PDGFC: variants seen among roughly 807,000 people sequenced by gnomAD.
PDGFC encodes the protein platelet derived growth factor C.
In PDGFC, 12 loss-of-function variants were observed where a neutral mutation model predicts 35.5. The observed-to-expected ratio is 0.34, with a 90% CI of 0.22 to 0.55. PDGFC has a LOEUF of 0.55. PDGFC is among the 20% of genes least tolerant of loss of function. PDGFC has a pLI of 0.91. For missense variants in PDGFC, 322 were observed against 412.4 expected, an observed-to-expected ratio of 0.78 and a Z score of 1.90; for synonymous variants, 159 against 148.8, an observed-to-expected ratio of 1.07 and a Z score of -0.50.
At chr4:156,856,890 T>TA (rs1291915611) in intron 1 of PDGFC, among the ~76,000 whole-genome samples, 3 of 152,144 alleles carry the variant, frequency 2.0e-5, no homozygotes, top group Admixed American at 1.3e-4. Flanking sequence ...TGATAGGACT[T>TA]AGAGTATGCA....
chr4:156,871,821 A>G (rs567475821), intron 1 of PDGFC, among the ~76,000 whole-genome samples: 1 of 152,040 alleles, frequency 6.6e-6, no homozygotes, highest in Non-Finnish European at 1.5e-5. Flanking sequence ...TCTTGTAAAC[A>G]AACATTAGAA....
intron 2 of PDGFC, among the ~76,000 whole-genome samples, chr4:156,818,748 C>T (rs1398824716): frequency 3.9e-5 from 6 of 151,974 alleles, no homozygotes; most frequent in African/African-American, 7.3e-5. Flanking sequence ...GTGATCCGCC[C>T]GCCTGGGCCT....
chr4:156,964,504 A>T (rs924247163), intron 1 of PDGFC, among the ~76,000 whole-genome samples: 1 of 150,342 alleles, frequency 6.7e-6, no homozygotes, highest in African/African-American at 2.4e-5. Flanking sequence ...ATACCATTCC[A>T]TTTGACTAAT....
intron 1 of PDGFC, among the ~76,000 whole-genome samples, chr4:156,949,911 C>A (rs1367411294): frequency 6.6e-6 from 1 of 151,832 alleles, no homozygotes; most frequent in African/African-American, 2.4e-5. Flanking sequence ...GCTTTACCTT[C>A]AGGAAAACAA....
intron 1 of PDGFC, among the ~76,000 whole-genome samples, chr4:156,948,809 C>G (rs1732009221): frequency 6.6e-6 from 1 of 151,920 alleles, no homozygotes; most frequent in Non-Finnish European, 1.5e-5. Flanking sequence ...TATTTAAAAT[C>G]TTATTCTCAC....
At chr4:156,861,480 T>C (rs1482413738) in intron 1 of PDGFC, 2 of 1,253,572 alleles carry the variant, frequency 1.6e-6, no homozygotes, top group East Asian at 5.6e-5. Context: ...TGCTTGGATA[T>C]AGTTCCTACC....
At chr4:156,766,612 C>G (rs1473020974) in intron 5 of PDGFC, among the ~76,000 whole-genome samples, 2 of 152,098 alleles carry the variant, frequency 1.3e-5, no homozygotes, top group Non-Finnish European at 2.9e-5. Context: ...ACTCCATGAC[C>G]TTTACTTTTT....
intron 2 of PDGFC, among the ~76,000 whole-genome samples, chr4:156,823,007 TAC>T (rs1732313538): frequency 6.6e-6 from 1 of 152,070 alleles, no homozygotes; most frequent in Non-Finnish European, 1.5e-5. Flanking sequence ...GTGCTGAGGT[TAC>T]AGGCTTGAGC....
intron 2 of PDGFC, among the ~76,000 whole-genome samples, chr4:156,819,374 C>T (rs1362182187): frequency 6.6e-6 from 1 of 152,174 alleles, no homozygotes; most frequent in Non-Finnish European, 1.5e-5. Context: ...GACAGGCTGA[C>T]TCCCTTGTTA....
chr4:156,945,369 A>G (rs1436255430), intron 1 of PDGFC, among the ~76,000 whole-genome samples: 6 of 124,456 alleles, frequency 4.8e-5, no homozygotes, highest in Non-Finnish European at 1.0e-4. Flanking sequence ...ATATATATAT[A>G]TATATATATA....
chr4:156,810,394 A>G (rs549976292), intron 3 of PDGFC, among the ~76,000 whole-genome samples: 1 of 152,076 alleles, frequency 6.6e-6, no homozygotes, highest in African/African-American at 2.4e-5. Context: ...CATTTATAAC[A>G]TACTTCAGAG....
At chr4:156,913,757 T>C (rs1160278625) in intron 1 of PDGFC, among the ~76,000 whole-genome samples, 1 of 152,134 alleles carries the variant, frequency 6.6e-6, no homozygotes, top group Non-Finnish European at 1.5e-5. Context: ...CTACAGCAGA[T>C]TTAGGAATGG....
intron 3 of PDGFC, among the ~76,000 whole-genome samples, chr4:156,794,448 G>A (rs1731384432): frequency 6.6e-6 from 1 of 151,530 alleles, no homozygotes; most frequent in Non-Finnish European, 1.5e-5. Context: ...CACAAACCAA[G>A]AAGTAGCTTA....
chr4:156,890,083 TCATGAGGTTA>T (rs1730468079), intron 1 of PDGFC, among the ~76,000 whole-genome samples: 1 of 152,082 alleles, frequency 6.6e-6, no homozygotes, highest in Non-Finnish European at 1.5e-5. Flanking sequence ...CCTTGTTAGT[TCATGAGGTTA>T]CAGAAAGGGA....
At chr4:156,941,792 A>G (rs1731812910) in intron 1 of PDGFC, among the ~76,000 whole-genome samples, 1 of 152,154 alleles carries the variant, frequency 6.6e-6, no homozygotes, top group Non-Finnish European at 1.5e-5. Context: ...TTGAAGGAAT[A>G]CCAACAATTC....
In PDGFC at chr4:156,910,222, T is replaced by C. The variant is rs545430844; in HGVS notation, c.119-59806A>G. Among the ~76,000 whole-genome samples, 8 of 152,304 alleles carry C rather than the reference T, an allele frequency of 5.3e-5. No homozygotes were observed. The South Asian group carries it at 1.7e-3, about 32-fold the overall frequency. On this transcript the variant is annotated intron_variant, in intron 1 of 5. Coordinates refer to ENST00000502773, the MANE Select transcript of PDGFC (RefSeq NM_016205.3). The stretch of plus-strand genomic sequence containing the variant: ...TGTGGTTTTTAACTTTTTAAAATTC[T>C]GTAATGATTGTAGACTCACAAAGTT...
chr4:156,815,229 A>G (rs1195423446), intron 2 of PDGFC, among the ~76,000 whole-genome samples: 1 of 151,444 alleles, frequency 6.6e-6, no homozygotes, highest in Non-Finnish European at 1.5e-5. Flanking sequence ...ATAATTCCAA[A>G]TTCATGCAAT....
intron 1 of PDGFC, among the ~76,000 whole-genome samples, chr4:156,923,911 G>C (rs1731346987): frequency 1.3e-5 from 2 of 152,180 alleles, no homozygotes; most frequent in African/African-American, 2.4e-5. Flanking sequence ...TGGGGGAACA[G>C]AGCCACCAGT....
chr4:156,767,763 G>A lies in PDGFC; in HGVS notation c.921+10C>T, dbSNP rs760985384. On this transcript the variant is annotated intron_variant, in intron 5 of 5. Transcript: ENST00000502773. The stretch of plus-strand genomic sequence containing the variant: ...CCCGAAGGAAACCAAAAAGAAAATT[G>A]TATACCTACCTCGTGGTATTTTTTA... The A allele has an allele frequency of 5.7e-5, 89 of 1,564,428 alleles. No individual in the cohort carries two copies. Among genetic ancestry groups the A allele is most frequent in the Non-Finnish European group, 7.7e-5 (87 of 1,135,046 alleles).
Sources: allele counts gnomAD v4.1 joint callset (sites outside exome capture counted in the v4.1 genomes callset), GRCh38; gene constraint gnomAD v4.1.1; transcripts MANE v1.5; gene names NCBI Gene and HGNC (gene_info 2026-07-23, HGNC 2026-07-21).